Variants in XRCC4 observed in about 807,000 individuals in gnomAD.
XRCC4 encodes DNA repair protein XRCC4.
A neutral mutation model predicts 39.1 loss-of-function variants in XRCC4; 28 were observed. The ratio of observed to expected loss-of-function variants is 0.72; its 90% CI spans 0.53 to 0.98. XRCC4 has a LOEUF of 0.98. XRCC4 is among the 50% of genes least tolerant of loss of function. XRCC4 has a pLI of 0.00. For synonymous variants in XRCC4, 123 were observed against 126.4 expected, an observed-to-expected ratio of 0.97 and a Z score of 0.18; for missense variants, 350 against 376.4, an observed-to-expected ratio of 0.93 and a Z score of 0.58.
chr5:83,204,351 G>T (rs1159101838), intron 5 of XRCC4, among the ~76,000 whole-genome samples: 1 of 152,124 alleles, frequency 6.6e-6, no homozygotes, highest in African/African-American at 2.4e-5. Flanking sequence ...GCTAGTCCTA[G>T]CACAGGTACT....
chr5:83,195,936 G>T lies in XRCC4; in HGVS notation c.482G>T (p.Arg161Leu), dbSNP rs797045017. ...AGAGATTGGAATGATGTTCAAGGACGGTGTGTACACAGTTTGCTTGTGGTA... is the reference window on the plus strand; with the variant it reads ...AGAGATTGGAATGATGTTCAAGGACTGTGTGTACACAGTTTGCTTGTGGTA... ...LLRDWNDVQG[R>L]FEKCVSAKEA... The change falls in exon 4 of 8, where the codon CGA (arginine) becomes CTA (leucine). Residue 161 changes from arginine (R) to leucine (L), a missense_variant and splice_region_variant. By Grantham distance (102) the Arg-to-Leu change is moderately radical. Coordinates refer to ENST00000396027, the MANE Select transcript of XRCC4 (RefSeq NM_003401.5). The T allele has an allele frequency of 6.2e-7, 1 of 1,604,892 alleles. No homozygotes were observed. The highest frequency in any genetic ancestry group is 8.5e-7 in the Non-Finnish European group (1 of 1,175,374).
At chr5:83,209,119 T>TGTGA (rs1167096252) in intron 6 of XRCC4, among the ~76,000 whole-genome samples, 1 of 144,848 alleles carries the variant, frequency 6.9e-6, no homozygotes, top group Admixed American at 7.0e-5. Context: ...TGTGTGTGTG[T>TGTGA]GTGAATTTAA....
At chr5:83,316,817 AC>A (rs1755905220) in intron 7 of XRCC4, among the ~76,000 whole-genome samples, 1 of 130,614 alleles carries the variant, frequency 7.7e-6, no homozygotes, top group Non-Finnish European at 1.6e-5. Context: ...CAACAAGGAT[AC>A]CCAGGAATTG....
chr5:83,369,728 C>T, the XRCC4 span, among the ~76,000 whole-genome samples: 1 of 152,046 alleles, frequency 6.6e-6, no homozygotes, highest in Non-Finnish European at 1.5e-5. Flanking sequence ...TGCAGGTGTC[C>T]TTTTGGTGGA....
rs139057063 is a variant in XRCC4, at chr5:83,137,325, A to C, written c.315+26122A>C. On this transcript the variant is annotated intron_variant, in intron 3 of 7. Transcript: ENST00000396027. ...TATATAATAATTAGACTTAACTGGGATGTTTCAGTAGGTGAGTTTGGAGGG... is the reference window on the plus strand; with the variant it reads ...TATATAATAATTAGACTTAACTGGGCTGTTTCAGTAGGTGAGTTTGGAGGG... 2.4e-3 allele frequency among the ~76,000 whole-genome samples: 372 copies of C among 152,292 alleles called. 2 individuals carry two copies. Among genetic ancestry groups the C allele is most frequent in the African/African-American group, 8.5e-3 (355 of 41,578 alleles).
the XRCC4 span, among the ~76,000 whole-genome samples, chr5:83,365,724 T>C: frequency 2.6e-5 from 4 of 152,216 alleles, no homozygotes; most frequent in African/African-American, 4.8e-5. Context: ...GGAAATAGTC[T>C]CTAAAAGTGC....
At position 83,195,770 on chromosome 5, in the gene XRCC4, T is replaced by C; in HGVS notation, c.316T>C (p.Phe106Leu). 6.4e-7 allele frequency: 1 copy of C among 1,572,602 alleles called. No individual in the cohort carries two copies. Among genetic ancestry groups the C allele is most frequent in the Non-Finnish European group, 8.6e-7 (1 of 1,159,764 alleles). ...TAACCATGTTTTTCTTTCATTTTAG[T>C]TCAGACTTGGTTCCTTCAACCTAGA... ...FFEKNLKDVS[F>L]RLGSFNLEKV... is the part of the protein sequence containing the mutation. Residue 106 changes from phenylalanine to leucine, a missense_variant and splice_region_variant, in exon 4 of 8, where the codon TTC becomes CTC. Coordinates refer to ENST00000396027, the MANE Select transcript of XRCC4 (RefSeq NM_003401.5).
At chr5:83,221,702 T>G (rs1469727706) in intron 6 of XRCC4, among the ~76,000 whole-genome samples, 1 of 151,992 alleles carries the variant, frequency 6.6e-6, no homozygotes, top group African/African-American at 2.4e-5. Flanking sequence ...CAGTGATTTA[T>G]GCTCAGTCCT....
chr5:83,301,635 A>T (rs1194461536), intron 7 of XRCC4, among the ~76,000 whole-genome samples: 2 of 152,202 alleles, frequency 1.3e-5, no homozygotes, highest in East Asian at 3.8e-4. Context: ...TGTTTTAGTC[A>T]TGAAGTCTTT....
intron 7 of XRCC4, among the ~76,000 whole-genome samples, chr5:83,293,580 CT>C (rs1342021999): frequency 1.3e-5 from 2 of 152,000 alleles, no homozygotes; most frequent in Non-Finnish European, 2.9e-5. Flanking sequence ...TCTCTTTCCT[CT>C]TTGAGCTTGT....
chr5:83,245,492 G>A (rs78727090), intron 6 of XRCC4, among the ~76,000 whole-genome samples: 1 of 151,704 alleles, frequency 6.6e-6, no homozygotes, highest in Non-Finnish European at 1.5e-5. Context: ...AGAAACCTAG[G>A]AATATAATTG....
intron 6 of XRCC4, among the ~76,000 whole-genome samples, chr5:83,256,870 CTT>C (rs570690137): frequency 3.8e-4 from 58 of 152,204 alleles, no homozygotes; most frequent in African/African-American, 1.1e-3. Context: ...GGGAAAGTCA[CTT>C]AACCTCTCTG....
intron 1 of XRCC4, among the ~76,000 whole-genome samples, chr5:83,085,255 G>A (rs952046875): frequency 1.3e-5 from 2 of 152,066 alleles, no homozygotes; most frequent in African/African-American, 4.8e-5. Flanking sequence ...GTTGAAACCT[G>A]TCAAAGTCTT....
intron 1 of XRCC4, among the ~76,000 whole-genome samples, chr5:83,103,876 A>G (rs28383136): frequency 0.064 from 9,775 of 152,216 alleles, 1,014 homozygotes; most frequent in East Asian, 0.48. Context: ...AGAAGATAAG[A>G]TAGTGGTTAT....
intron 3 of XRCC4, among the ~76,000 whole-genome samples, chr5:83,170,230 TGC>T (rs28360100): frequency 0.063 from 9,588 of 152,164 alleles, 497 homozygotes; most frequent in African/African-American, 0.14. Flanking sequence ...TGTTCAAAGG[TGC>T]TTACTCTAAA....
At chr5:83,370,385 C>T in the XRCC4 span, among the ~76,000 whole-genome samples, 2 of 152,162 alleles carry the variant, frequency 1.3e-5, no homozygotes, top group Non-Finnish European at 2.9e-5. Context: ...GTCAGTCCTC[C>T]TCTCCACATC....
chr5:83,145,760 T>C (rs1196747935), intron 3 of XRCC4, among the ~76,000 whole-genome samples: 1 of 152,214 alleles, frequency 6.6e-6, no homozygotes, highest in Non-Finnish European at 1.5e-5. Context: ...ATGGCTGATA[T>C]TTGAGCCCTC....
intron 7 of XRCC4, among the ~76,000 whole-genome samples, chr5:83,284,200 G>T (rs977030030): frequency 6.6e-6 from 1 of 151,288 alleles, no homozygotes; most frequent in Non-Finnish European, 1.5e-5. Flanking sequence ...GAGGGATTTT[G>T]TAGAGCACTC....
chr5:83,261,571 A>G (rs943154512), intron 7 of XRCC4, among the ~76,000 whole-genome samples: 8 of 151,674 alleles, frequency 5.3e-5, no homozygotes, highest in African/African-American at 7.3e-5. Flanking sequence ...AAAAGAAACA[A>G]AAGTAGGGGA....
Sources: allele counts gnomAD v4.1 joint callset (sites outside exome capture counted in the v4.1 genomes callset), GRCh38; gene constraint gnomAD v4.1.1; transcripts MANE v1.5; gene names NCBI Gene and HGNC (gene_info 2026-07-23, HGNC 2026-07-21).